The following TRIM5 variants were observed in gnomAD, a reference collection of about 807,000 sequenced individuals.
TRIM5 encodes tripartite motif containing 5.
In TRIM5, 31 loss-of-function variants were observed where a neutral mutation model predicts 35.6. The ratio of observed to expected loss-of-function variants is 0.87; its 90% CI spans 0.65 to 1.18. The LOEUF is 1.18. Ranked by LOEUF, TRIM5 falls within the 50% of genes most tolerant of loss-of-function variation. The pLI, the probability that TRIM5 is intolerant of heterozygous loss-of-function variation, is 0.00. For synonymous variants in TRIM5, 243 were observed against 215.6 expected, an observed-to-expected ratio of 1.13 and a Z score of -1.11; for missense variants, 609 against 591.6, an observed-to-expected ratio of 1.03 and a Z score of -0.31.
intron 5 of TRIM5, among the ~76,000 whole-genome samples, chr11:5,666,780 C>T (rs55719752): frequency 6.6e-6 from 1 of 152,194 alleles, no homozygotes; most frequent in Admixed American, 6.5e-5. Flanking sequence ...AGAATAGCAC[C>T]TTTTTATGCT....
the TRIM5 span, chr11:5,589,663 G>C: frequency 6.6e-6 from 1 of 151,828 alleles, no homozygotes; most frequent in East Asian, 1.9e-4. Flanking sequence ...AAACAAAAAA[G>C]ACAAATTAGT....
the TRIM5 span, among the ~76,000 whole-genome samples, chr11:5,591,588 C>T: frequency 2.4e-4 from 37 of 151,934 alleles, no homozygotes; most frequent in Admixed American, 7.2e-4. Context: ...GCGGAGGTTG[C>T]ACTGAGCCAT....
chr11:5,642,567 G>C, the TRIM5 span: 5 of 1,570,078 alleles, frequency 3.2e-6, no homozygotes, highest in South Asian at 3.5e-5. Flanking sequence ...GTAATAAACT[G>C]TCTAGGTGGG....
At chr11:5,602,873 G>A in the TRIM5 span, among the ~76,000 whole-genome samples, 1 of 152,100 alleles carries the variant, frequency 6.6e-6, no homozygotes, top group African/African-American at 2.4e-5. Context: ...AGAATTGCTT[G>A]AACCTGGGAG....
At chr11:5,638,797 T>G in the TRIM5 span, among the ~76,000 whole-genome samples, 1 of 152,232 alleles carries the variant, frequency 6.6e-6, no homozygotes, top group African/African-American at 2.4e-5. Context: ...AGCTGCTTTT[T>G]TTCACAGTCC....
At chr11:5,594,682 T>C in the TRIM5 span, among the ~76,000 whole-genome samples, 1 of 152,144 alleles carries the variant, frequency 6.6e-6, no homozygotes, top group Non-Finnish European at 1.5e-5. Context: ...AGCCTGTAAG[T>C]TACTTCCATT....
At chr11:5,665,572 A>G in intron 7 of TRIM5, 84 bp downstream of exon 7, 1 of 1,584,706 alleles carries the variant, frequency 6.3e-7, no homozygotes, top group Admixed American at 2.0e-5. Flanking sequence ...CATGAGCCTA[A>G]TAGAGAACAT....
At chr11:5,682,276 G>A (rs954218852) in intron 1 of TRIM5, among the ~76,000 whole-genome samples, 22 of 152,252 alleles carry the variant, frequency 1.4e-4, no homozygotes, top group Admixed American at 1.4e-3. Flanking sequence ...GGTGACAGGT[G>A]CCTGTAATCC....
intron 4 of TRIM5, chr11:5,669,871 C>A (rs12292448): frequency 0.15 from 27,085 of 182,508 alleles, 2,386 homozygotes; most frequent in African/African-American, 0.23. Context: ...GCTACTCAGG[C>A]GGCTGAGGCA....
chr11:5,610,390 C>T, the TRIM5 span: 454 of 1,565,258 alleles, frequency 2.9e-4, 1 homozygote, highest in African/African-American at 5.1e-3. Context: ...GAAGAAGATG[C>T]GGTTTGTATT....
rs1196156777 is a variant in TRIM5 at position 5,665,052 on chromosome 11, G to C, written c.1239C>G (p.Phe413Leu). Residue 413 changes from phenylalanine (F) to leucine (L), a missense_variant, in exon 8 of 8, where the codon TTC becomes TTG. Phe to Leu is a conservative substitution (Grantham distance 22). Transcript: ENST00000380034. ...GLEEGVKCSAFQDSSFHTPSV... is the reference protein window; with the variant it reads ...GLEEGVKCSALQDSSFHTPSV... The stretch of plus-strand genomic sequence containing the variant: ...AAGGAGTATGGAAGGAACTATCCTG[G>C]AAAGCACTACATTTAACTCCTTCCT... 1.2e-6 allele frequency: 2 copies of C among 1,614,102 alleles called. No individual in the cohort carries two copies. The highest frequency in any genetic ancestry group is 2.7e-5 in the African/African-American group (2 of 75,028).
chr11:5,610,058 A>G, the TRIM5 span: 28 of 1,383,784 alleles, frequency 2.0e-5, no homozygotes, highest in Admixed American at 5.2e-4. Flanking sequence ...ATTGGAATTC[A>G]TCAGTAGGCT....
Position 5,664,568 on chromosome 11 carries a change from G to T in TRIM5, c.*241C>A. ...AGCGGTCTCATTTTATGAGGTATAGGTCAGTTTTCCTTAGGAGTACGGAAA... is the reference window on the plus strand; with the variant it reads ...AGCGGTCTCATTTTATGAGGTATAGTTCAGTTTTCCTTAGGAGTACGGAAA... On this transcript the variant is annotated 3_prime_UTR_variant, in exon 8 of 8. Transcript: ENST00000380034. 2.4e-6 allele frequency: 3 copies of T among 1,246,338 alleles called. No individual in the cohort carries two copies. The highest frequency in any genetic ancestry group is 3.0e-6 in the Non-Finnish European group (3 of 994,558). 77.2% of individuals were successfully genotyped at this position (1,246,338 alleles called of 1,614,324 possible). A position where few individuals can be genotyped will look rare whatever the true frequency, so the allele number is the denominator to read the frequency against.
In TRIM5 at chr11:5,680,039, T is replaced by C. The variant is rs762039354; in HGVS notation, c.139A>G (p.Met47Val). 3.7e-6 allele frequency: 6 copies of C among 1,614,048 alleles called. No individual in the cohort carries two copies. The highest frequency in any genetic ancestry group is 1.3e-5 in the African/African-American group (1 of 74,938). Residue 47 changes from methionine to valine, a missense_variant, in exon 2 of 8, where the codon ATG (methionine) becomes GTG (valine). By Grantham distance (21) the Met-to-Val change is conservative. Coordinates refer to ENST00000380034, the MANE Select transcript of TRIM5 (RefSeq NM_033034.3). Reference protein sequence around the residue: ...ACLTANHKKSMLDKGESSCPV... With the variant: ...ACLTANHKKSVLDKGESSCPV... ...CAGCTACTCTCTCCTTTGTCTAGCA[T>C]GGACTTCTTGTGGTTTGCAGTGAGG...
chr11:5,671,065 A>G (rs1851551902), intron 4 of TRIM5, among the ~76,000 whole-genome samples: 1 of 152,208 alleles, frequency 6.6e-6, no homozygotes, highest in African/African-American at 2.4e-5. Context: ...ATCTCTACAA[A>G]AAATACAAAA....
chr11:5,597,045 A>G, the TRIM5 span: 2 of 1,473,448 alleles, frequency 1.4e-6, no homozygotes, highest in Non-Finnish European at 1.9e-6. Context: ...CTCACTGCAA[A>G]TGACCCCACT....
the TRIM5 span, among the ~76,000 whole-genome samples, chr11:5,618,924 A>G: frequency 6.6e-6 from 1 of 152,266 alleles, no homozygotes; most frequent in Non-Finnish European, 1.5e-5. Flanking sequence ...TCAGTGTAGC[A>G]TGATAAGGAC....
chr11:5,663,706 C>T lies in TRIM5; in HGVS notation c.*1103G>A, dbSNP rs1197865802. Reference sequence around the variant, plus strand: ...GATGTTTTGATACATGTATACATTGCGTAATAACCGAACCAGGGTAATTAG... The same window carrying T: ...GATGTTTTGATACATGTATACATTGTGTAATAACCGAACCAGGGTAATTAG... On this transcript the variant is annotated 3_prime_UTR_variant, in exon 8 of 8. Coordinates refer to ENST00000380034, the MANE Select transcript of TRIM5 (RefSeq NM_033034.3). The T allele has an allele frequency of 9.0e-5, 40 of 446,508 alleles. No individual in the cohort carries two copies. Among genetic ancestry groups the T allele is most frequent in the Non-Finnish European group, 1.1e-4 (38 of 337,624 alleles). The allele number at this position is 446,508 out of a possible 1,614,324, so 27.7% of individuals were successfully genotyped here.
At chr11:5,645,880 A>AAAAATATATATATAT in the TRIM5 span, 2 of 136,796 alleles carry the variant, frequency 1.5e-5, no homozygotes, top group African/African-American at 6.5e-5. Context: ...AAAAAAAAAA[A>AAAAATATATATATAT]ATATATATAT....
Sources: allele counts gnomAD v4.1 joint callset (sites outside exome capture counted in the v4.1 genomes callset), GRCh38; gene constraint gnomAD v4.1.1; transcripts MANE v1.5; gene names NCBI Gene and HGNC (gene_info 2026-07-23, HGNC 2026-07-21).